NGDN: variants seen among roughly 807,000 people sequenced by gnomAD.
The protein encoded by NGDN is neuroguidin.
In NGDN, 41 loss-of-function variants were observed where a neutral mutation model predicts 45.2. That is an observed-to-expected ratio of 0.91 (90% CI 0.71 to 1.18). NGDN has a LOEUF of 1.18. NGDN is among the 50% of genes most tolerant of loss of function. The probability of loss-of-function intolerance (pLI) is 0.00; values close to 1 mark genes in which losing one functional copy is unlikely to be tolerated. For synonymous variants in NGDN, 137 were observed against 130.9 expected, an observed-to-expected ratio of 1.05 and a Z score of -0.32; for missense variants, 402 against 399.9, an observed-to-expected ratio of 1.01 and a Z score of -0.05.
At chr14:23,474,006 C>T (rs528098950) in intron 3 of NGDN, among the ~76,000 whole-genome samples, 1 of 145,144 alleles carries the variant, frequency 6.9e-6, no homozygotes, top group African/African-American at 2.6e-5. Flanking sequence ...CCACTGCACT[C>T]CAGCCTGGGC....
intron 3 of NGDN, among the ~76,000 whole-genome samples, chr14:23,472,112 G>A (rs1893791916): frequency 6.7e-6 from 1 of 150,194 alleles, no homozygotes; most frequent in South Asian, 2.1e-4. Flanking sequence ...TTGAGCCCAG[G>A]AGGTCGAGGC....
chr14:23,478,174 T>A, downstream of NGDN: 1 of 750,248 alleles, frequency 1.3e-6, no homozygotes, highest in Non-Finnish European at 2.2e-6. Context: ...TGCTTATGAA[T>A]TAAAGCCCCT....
At position 23,475,639 on chromosome 14, in the gene NGDN, C is replaced by A. The variant is rs773152475; in HGVS notation, c.364C>A (p.Leu122Ile). The A allele has an allele frequency of 1.9e-6, 3 of 1,614,144 alleles. No homozygotes were observed. The African/African-American group carries it at 4.0e-5, about 22-fold the overall frequency. ...KLIKTAVTGS[L>I]SENDPLRFKP... ...GATCAAGACTGCAGTGACAGGCAGC[C>A]TTAGTAAGTGAGGAGACCATCATGA... The change falls in exon 5 of 11, where the codon CTT becomes ATT. Residue 122 changes from leucine to isoleucine, a missense_variant. Leu to Ile is a conservative substitution (Grantham distance 5). Transcript: ENST00000408901.
Position 23,475,211 on chromosome 14 carries a change from T to C in NGDN, c.185T>C (p.Met62Thr), listed in dbSNP as rs780402428. The C allele has an allele frequency of 2.2e-5, 35 of 1,613,936 alleles. No homozygotes were observed. The East Asian group carries it at 6.5e-4, about 30-fold the overall frequency. The change falls in exon 4 of 11, where the codon ATG becomes ACG. Residue 62 changes from methionine (M) to threonine (T), a missense_variant. Transcript: ENST00000408901. ...FLEVKDQLLL[M>T]YLMDLTHLIL... ...GAAGTGAAAGACCAGCTGCTGCTCA[T>C]GTACCTTATGGATTTGACCCACCTC...
chr14:23,469,966 C>T, intron 1 of NGDN, 76 bp from the exon 2 acceptor site: 2 of 1,509,858 alleles, frequency 1.3e-6, no homozygotes, highest in East Asian at 4.5e-5. Context: ...GGGCAGTTTC[C>T]CACCCTAGAC....
At chr14:23,471,161 C>T (rs1379920511) in intron 3 of NGDN, 184 bp downstream of exon 3, 1 of 417,130 alleles carries the variant, frequency 2.4e-6, no homozygotes, top group East Asian at 3.6e-5. Context: ...TTAATAGTAG[C>T]AGTCACATTA....
In NGDN at chr14:23,478,160, AT is replaced by A; in HGVS notation, c.*138del. On this transcript the variant is annotated 3_prime_UTR_variant, in exon 11 of 11. Transcript: ENST00000408901. ...GGAAAGAGCCTTACTAATAAAATTG[AT>A]TTTGCTTATGAATTAAAGCCCCTTT... is the stretch of plus-strand genomic sequence containing the variant. 2 of 891,192 alleles carry A rather than the reference AT, an allele frequency of 2.2e-6. No individual in the cohort carries two copies. The highest frequency in any genetic ancestry group is 3.5e-6 in the Non-Finnish European group (2 of 572,252). The allele number at this position is 891,192 out of a possible 1,614,324, so 55.2% of individuals were successfully genotyped here.
Position 23,470,081 on chromosome 14 carries a change from C to G in NGDN, c.52C>G (p.Leu18Val). 1 of 1,614,110 alleles carries G rather than the reference C, an allele frequency of 6.2e-7. No individual in the cohort carries two copies. The highest frequency in any genetic ancestry group is 8.5e-7 in the Non-Finnish European group (1 of 1,179,982). The change falls in exon 2 of 11, where the codon CTG (leucine) becomes GTG (valine). Residue 18 changes from leucine to valine, a missense_variant. By Grantham distance (32) the Leu-to-Val change is conservative. Coordinates refer to ENST00000408901, the MANE Select transcript of NGDN (RefSeq NM_001042635.2). ...ESDLPSAVTL[L>V]KNLQEQVMAV... ...CGACCTGCCAAGTGCCGTGACACTT[C>G]TGAAAAATCTCCAGGAGCAAGTGAG...
rs763376268 is a variant in NGDN, at chr14:23,470,027, C to G, written c.13-15C>G. On this transcript the variant is annotated splice_polypyrimidine_tract_variant and intron_variant, in intron 1 of 10. Coordinates refer to ENST00000408901, the MANE Select transcript of NGDN (RefSeq NM_001042635.2). ...AAAGAATGACTTTTCTTTACGCCTC[C>G]TCTCCCTTCTGTAGGGGGTGCTGGA... 5 of 1,613,552 alleles carry G rather than the reference C, an allele frequency of 3.1e-6. No homozygotes were observed. Among genetic ancestry groups the G allele is most frequent in the Non-Finnish European group, 4.2e-6 (5 of 1,179,598 alleles).
chr14:23,478,377 T>C, downstream of NGDN: 2 of 251,082 alleles, frequency 8.0e-6, no homozygotes, highest in South Asian at 1.3e-4. Context: ...TAATCAACTC[T>C]TTCAACCCAT....
In NGDN at chr14:23,477,665, C is replaced by T. The variant is rs1466687585; in HGVS notation, c.928+105C>T. ...GGTCTCACCAAGCCCTGTAGTATCTCTTCCATACTGGGCAATAATCTCCTT... is the reference window on the plus strand; with the variant it reads ...GGTCTCACCAAGCCCTGTAGTATCTTTTCCATACTGGGCAATAATCTCCTT... On this transcript the variant is annotated intron_variant, in intron 10 of 10. Transcript: ENST00000408901. 3 of 1,561,776 alleles carry T rather than the reference C, an allele frequency of 1.9e-6. No individual in the cohort carries two copies. The African/African-American group carries it at 4.1e-5, about 21-fold the overall frequency.
At chr14:23,474,838 C>T (rs1361163418) in intron 3 of NGDN, among the ~76,000 whole-genome samples, 2 of 152,190 alleles carry the variant, frequency 1.3e-5, no homozygotes, top group African/African-American at 4.8e-5. Flanking sequence ...CTACAATGCC[C>T]AGGACAGCCC....
rs1893925442 is a variant in NGDN at position 23,477,290 on chromosome 14, A to G, written c.804A>G (p.Gln268=). ...AACGAGCAAATGTCATGAGCTCACA[A>G]CTTCATTCCCTTACACACTTCAGTG... is the stretch of plus-strand genomic sequence containing the variant. The part of the protein sequence containing the change: ...RRKRANVMSS[Q]LHSLTHFSDI... The change falls in exon 9 of 11, where the codon CAA becomes CAG. Residue 268 remains glutamine (Q), a synonymous_variant. Transcript: ENST00000408901. The G allele has an allele frequency of 2.5e-6, 4 of 1,614,100 alleles. No individual in the cohort carries two copies. The highest frequency in any genetic ancestry group is 4.5e-5 in the East Asian group (2 of 44,900).
intron 3 of NGDN, among the ~76,000 whole-genome samples, chr14:23,474,949 C>G (rs950131892): frequency 6.6e-6 from 1 of 152,168 alleles, no homozygotes; most frequent in Non-Finnish European, 1.5e-5. Flanking sequence ...TTCCTCTTCT[C>G]ATTGTCTTCT....
chr14:23,470,316 T>G, intron 2 of NGDN: 2 of 544,986 alleles, frequency 3.7e-6, no homozygotes, highest in East Asian at 6.4e-5. Context: ...ATGAATAGTT[T>G]TCCTTTATTC....
rs201699854 is a variant in NGDN at position 23,475,680 on chromosome 14, C to T, written c.367+38C>T. 1.5e-4 allele frequency: 237 copies of T among 1,613,596 alleles called. 2 individuals carry two copies. The highest frequency in any genetic ancestry group is 9.8e-4 in the South Asian group (89 of 91,064). On this transcript the variant is annotated intron_variant, in intron 5 of 10. Transcript: ENST00000408901. ...ACCATCATGAAGTTGTGGGGACCATCAGAAAGTTCCAAATTTTGTAAAATT... is the reference window on the plus strand; with the variant it reads ...ACCATCATGAAGTTGTGGGGACCATTAGAAAGTTCCAAATTTTGTAAAATT...
chr14:23,478,129 AC>A lies in NGDN; in HGVS notation c.*104del, dbSNP rs1182167590. The A allele has an allele frequency of 2.5e-6, 3 of 1,189,678 alleles. No individual in the cohort carries two copies. The highest frequency in any genetic ancestry group is 3.7e-6 in the Non-Finnish European group (3 of 806,188). The allele number at this position is 1,189,678 out of a possible 1,614,324, so 73.7% of individuals were successfully genotyped here. A position where few individuals can be genotyped will look rare whatever the true frequency, so the allele number is the denominator to read the frequency against. On this transcript the variant is annotated 3_prime_UTR_variant, in exon 11 of 11. Coordinates refer to ENST00000408901, the MANE Select transcript of NGDN (RefSeq NM_001042635.2). Reference sequence around the variant, plus strand: ...GGAATTCATTAATTGTTTGCTTTGGACATGTGGAAAGAGCCTTACTAATAAA... The same window carrying A: ...GGAATTCATTAATTGTTTGCTTTGGAATGTGGAAAGAGCCTTACTAATAAA...
chr14:23,476,384 C>T lies in NGDN; in HGVS notation c.690C>T (p.Arg230=). 6.2e-7 allele frequency: 1 copy of T among 1,612,070 alleles called. No individual in the cohort carries two copies. The highest frequency in any genetic ancestry group is 8.5e-7 in the Non-Finnish European group (1 of 1,179,878). The part of the protein sequence containing the change: ...IRDARHPHVT[R]QSQEDQHRIN... Reference sequence around the variant, plus strand: ...ATGCTCGGCATCCCCATGTTACCCGCCAGAGTCAGGAGGACCAACACAGGT... The same window carrying T: ...ATGCTCGGCATCCCCATGTTACCCGTCAGAGTCAGGAGGACCAACACAGGT... The change falls in exon 8 of 11, where the codon CGC becomes CGT. Residue 230 remains arginine, a synonymous_variant. Coordinates refer to ENST00000408901, the MANE Select transcript of NGDN (RefSeq NM_001042635.2).
At chr14:23,476,459 A>G (rs1375164609) in intron 8 of NGDN, 52 bp downstream of exon 8, 5 of 1,477,384 alleles carry the variant, frequency 3.4e-6, no homozygotes, top group South Asian at 2.5e-5. Flanking sequence ...TCCTGTCCTC[A>G]TGCTTTATAC....
Sources: gnomAD v4.1 joint callset for allele counts (sites outside exome capture counted in the v4.1 genomes callset) on GRCh38, gnomAD v4.1.1 for gene constraint, MANE v1.5 for transcripts, NCBI Gene and HGNC (gene_info 2026-07-23, HGNC 2026-07-21) for gene names.